OPHN1: variants seen among roughly 807,000 people sequenced by gnomAD.
OPHN1 encodes the protein oligophrenin-1.
Under a neutral mutation model 60.7 loss-of-function variants are expected in OPHN1, and 11 were observed. The observed-to-expected ratio is 0.18, with a 90% CI of 0.11 to 0.30. The LOEUF is 0.30. Among genes scored for constraint, OPHN1 ranks in the 10% least tolerant of loss-of-function variants. The pLI is 1.00. For missense variants in OPHN1, 449 were observed against 611.0 expected (o/e 0.73, Z 2.80); for synonymous variants, 226 against 222.6 (o/e 1.02, Z -0.14).
At chrX:68,227,632 TG>T (rs1400579279) in intron 6 of OPHN1, among the ~76,000 whole-genome samples, 3 of 111,399 alleles carry the variant, frequency 2.7e-5, no homozygotes, top group Non-Finnish European at 5.6e-5. Flanking sequence ...ACATGGAAAC[TG>T]AACAATCTGC....
Position 68,063,937 on chromosome X carries a change from G to T in OPHN1, c.2075C>A (p.Pro692His), listed in dbSNP as rs745381936. 3.3e-6 allele frequency: 4 copies of T among 1,200,119 alleles called. No homozygotes were observed. The highest frequency in any genetic ancestry group is 2.2e-5 in the Admixed American group (1 of 45,085). Residue 692 changes from proline (P) to histidine (H), a missense_variant, in exon 21 of 25, where the codon CCC becomes CAC. By Grantham distance (77) the Pro-to-His change is moderately conservative (BLOSUM62 -2). Coordinates refer to ENST00000355520, the MANE Select transcript of OPHN1 (RefSeq NM_002547.3). The stretch of plus-strand genomic sequence containing the variant: ...CTTGGTGGGCCCAGAGCCTGGCATG[G>T]GTCCATTGGTGGCCTTTGGGGTGAT... Reference protein sequence around the residue: ...TKITPKATNGPMPGSGPTKTP... With the variant: ...TKITPKATNGHMPGSGPTKTP...
intron 15 of OPHN1, among the ~76,000 whole-genome samples, chrX:68,169,456 A>G (rs1029996094): frequency 9.1e-6 from 1 of 109,497 alleles, no homozygotes; most frequent in Non-Finnish European, 1.9e-5. Flanking sequence ...GAACCAAAAA[A>G]GAGCCCGCAT....
chrX:68,067,906 A>G lies in OPHN1; in HGVS notation c.1835-3729T>C, dbSNP rs1033085213. Among the ~76,000 whole-genome samples the G allele has an allele frequency of 9.8e-5, 11 of 111,882 alleles. 1 individual carries two copies. Among genetic ancestry groups the G allele is most frequent in the African/African-American group, 3.6e-4 (11 of 30,742 alleles). ...AAGTGTGATATTATAGTAAATAAATAAGCTTTAGGATAAGATAGATGAGTG... is the reference window on the plus strand; with the variant it reads ...AAGTGTGATATTATAGTAAATAAATGAGCTTTAGGATAAGATAGATGAGTG... On this transcript the variant is annotated intron_variant, in intron 20 of 24. Coordinates refer to ENST00000355520, the MANE Select transcript of OPHN1 (RefSeq NM_002547.3).
At chrX:68,320,679 A>G (rs1360441993) in intron 2 of OPHN1, among the ~76,000 whole-genome samples, 3 of 110,237 alleles carry the variant, frequency 2.7e-5, no homozygotes, top group African/African-American at 9.9e-5. Context: ...GCATCATCCA[A>G]TTCAATTATG....
In OPHN1 at chrX:68,106,874, A is replaced by AT. The variant is rs746128764; in HGVS notation, c.1526+4979dup. On this transcript the variant is annotated intron_variant, in intron 18 of 24. Coordinates refer to ENST00000355520, the MANE Select transcript of OPHN1 (RefSeq NM_002547.3). ...AAATTTCTCTATTGAAACTAAGCCTATTTTTTATTTACATTTCCCTACAAT... is the reference window on the plus strand; with the variant it reads ...AAATTTCTCTATTGAAACTAAGCCTATTTTTTTATTTACATTTCCCTACAAT... 8.0e-5 allele frequency among the ~76,000 whole-genome samples: 9 copies of AT among 111,910 alleles called. No homozygotes were observed. The South Asian group carries it at 3.4e-3, about 42-fold the overall frequency.
At chrX:68,174,041 G>C (rs1602211629) in intron 15 of OPHN1, among the ~76,000 whole-genome samples, 1 of 111,859 alleles carries the variant, frequency 8.9e-6, no homozygotes, top group Non-Finnish European at 1.9e-5. Flanking sequence ...AAATCGCTGA[G>C]ATTTCTGCAC....
intron 2 of OPHN1, among the ~76,000 whole-genome samples, chrX:68,315,116 A>G (rs779778296): frequency 1.2e-3 from 133 of 110,307 alleles, no homozygotes; most frequent in Middle Eastern, 4.8e-3. Flanking sequence ...GGGAGACTGA[A>G]GCAGAAGGAT....
intron 2 of OPHN1, among the ~76,000 whole-genome samples, chrX:68,305,204 A>AC (rs1473709911): frequency 3.6e-5 from 4 of 110,732 alleles, no homozygotes; most frequent in African/African-American, 6.6e-5. Flanking sequence ...CATAGTGAGA[A>AC]CCCCATCTCT....
At chrX:68,301,119 A>T (rs1260204206) in intron 2 of OPHN1, among the ~76,000 whole-genome samples, 1 of 111,685 alleles carries the variant, frequency 9.0e-6, no homozygotes, top group Non-Finnish European at 1.9e-5. Flanking sequence ...AATGAACAAA[A>T]AATGAAACAA....
intron 15 of OPHN1, among the ~76,000 whole-genome samples, chrX:68,167,335 A>C (rs1322865127): frequency 8.9e-6 from 1 of 111,820 alleles, no homozygotes; most frequent in African/African-American, 3.2e-5. Context: ...TATGTAAAAG[A>C]CAGGAAGTAA....
intron 15 of OPHN1, chrX:68,192,663 G>T: frequency 2.7e-6 from 1 of 372,034 alleles, no homozygotes; most frequent in Non-Finnish European, 4.7e-6. Context: ...CACAGTTCCA[G>T]TTGAGATGTA....
chrX:68,320,097 C>T (rs909634198), intron 2 of OPHN1, among the ~76,000 whole-genome samples: 1 of 111,522 alleles, frequency 9.0e-6, no homozygotes, highest in African/African-American at 3.3e-5. Context: ...CACCTGTAAT[C>T]CCAGCACTTT....
intron 2 of OPHN1, among the ~76,000 whole-genome samples, chrX:68,353,397 C>T (rs367854951): frequency 6.2e-4 from 59 of 94,873 alleles, no homozygotes; most frequent in African/African-American, 1.5e-3. Flanking sequence ...GGTGAAACCC[C>T]GTCTCTACAG....
chrX:68,273,927 A>T (rs1269531114), intron 5 of OPHN1, among the ~76,000 whole-genome samples: 2 of 112,135 alleles, frequency 1.8e-5, no homozygotes, highest in African/African-American at 6.5e-5. Flanking sequence ...CTCAGGAAAC[A>T]AAATCATGGC....
At chrX:68,125,664 A>G (rs1363534776) in intron 15 of OPHN1, among the ~76,000 whole-genome samples, 1 of 109,205 alleles carries the variant, frequency 9.2e-6, no homozygotes, top group African/African-American at 3.3e-5. Flanking sequence ...ACCAATAACA[A>G]GGAACAAGAT....
At chrX:68,169,168 T>G (rs867623223) in intron 15 of OPHN1, among the ~76,000 whole-genome samples, 5,234 of 110,962 alleles carry the variant, frequency 0.047, 311 homozygotes, top group African/African-American at 0.16. Context: ...CATGAGTGAA[T>G]TCCCATTCAC....
intron 21 of OPHN1, among the ~76,000 whole-genome samples, chrX:68,057,056 A>C (rs1282648259): frequency 9.0e-6 from 1 of 111,700 alleles, no homozygotes; most frequent in Non-Finnish European, 1.9e-5. Context: ...GACAGAAAGT[A>C]TTATCTCCGT....
intron 6 of OPHN1, among the ~76,000 whole-genome samples, chrX:68,231,542 C>A (rs5965524): frequency 9.0e-6 from 1 of 110,617 alleles, no homozygotes; most frequent in Non-Finnish European, 1.9e-5. Flanking sequence ...CAGAAGAAAC[C>A]AAGAAGTCCT....
rs895238642 is a variant in OPHN1 at position 68,045,357 on chromosome X, G to A, written c.*1815C>T. The A allele has an allele frequency of 1.8e-5, 2 of 112,325 alleles. No individual in the cohort carries two copies. The highest frequency in any genetic ancestry group is 6.5e-5 in the African/African-American group (2 of 30,891). 9.3% of individuals were successfully genotyped at this position (112,325 alleles called of 1,213,427 possible). ...CCTAACTCACCAATAAACCATGTTT[G>A]GAATTCAGTCTTGAAAATGACTACT... On this transcript the variant is annotated 3_prime_UTR_variant, in exon 25 of 25. Coordinates refer to ENST00000355520, the MANE Select transcript of OPHN1 (RefSeq NM_002547.3).
Sources: allele counts gnomAD v4.1 joint callset (sites outside exome capture counted in the v4.1 genomes callset), GRCh38; gene constraint gnomAD v4.1.1; transcripts MANE v1.5; gene names NCBI Gene and HGNC (gene_info 2026-07-23, HGNC 2026-07-21).